Variants in DMXL2 observed in about 807,000 individuals in gnomAD.
The protein encoded by DMXL2 is Dmx like 2.
In DMXL2, 103 loss-of-function variants were observed where a neutral mutation model predicts 331.1. The observed-to-expected ratio is 0.31, with a 90% CI of 0.27 to 0.37. DMXL2 has a LOEUF of 0.37. DMXL2 is among the 10% of genes least tolerant of loss of function. The pLI is 1.00. For synonymous variants in DMXL2, 1,281 were observed against 1,252.1 expected (o/e 1.02, Z -0.49); for missense variants, 3,171 against 3,642.9 (o/e 0.87, Z 3.33).
chr15:51,456,944 G>A (rs2039675251), intron 37 of DMXL2, among the ~76,000 whole-genome samples: 1 of 152,148 alleles, frequency 6.6e-6, no homozygotes, highest in Non-Finnish European at 1.5e-5. Flanking sequence ...GGCTGAAGCG[G>A]GTAGATCACT....
chr15:51,513,621 T>C (rs1330032771), intron 15 of DMXL2, among the ~76,000 whole-genome samples: 4 of 152,158 alleles, frequency 2.6e-5, no homozygotes, highest in Non-Finnish European at 4.4e-5. Flanking sequence ...ATGCTATACA[T>C]AATTTCGTGA....
intron 21 of DMXL2, among the ~76,000 whole-genome samples, 178 bp downstream of exon 21, chr15:51,488,370 A>G (rs1462984116): frequency 3.3e-5 from 5 of 152,166 alleles, no homozygotes; most frequent in Admixed American, 6.5e-5. Flanking sequence ...AAAACATCCC[A>G]TCCTCTAGAT....
chr15:51,538,733 A>C (rs897197824), intron 9 of DMXL2, among the ~76,000 whole-genome samples: 5 of 152,220 alleles, frequency 3.3e-5, no homozygotes, highest in Non-Finnish European at 7.3e-5. Context: ...ATTAAAGCAG[A>C]AAAGCAGCTA....
chr15:51,506,689 G>A (rs572915606), intron 16 of DMXL2, among the ~76,000 whole-genome samples: 140 of 152,070 alleles, frequency 9.2e-4, no homozygotes, highest in African/African-American at 3.3e-3. Flanking sequence ...TCCTGACCTC[G>A]TGATCCGCCC....
rs567935838 is a variant in DMXL2, at chr15:51,605,793, T to G, written c.87+16666A>C. 1.1e-3 allele frequency among the ~76,000 whole-genome samples: 47 copies of G among 43,068 alleles called. 11 individuals carry two copies. Among genetic ancestry groups the G allele is most frequent in the African/African-American group, 3.1e-3 (47 of 15,200 alleles). 28.3% of individuals were successfully genotyped at this position (43,068 alleles called of 152,430 possible). A position where few individuals can be genotyped will look rare whatever the true frequency, so the allele number is the denominator to read the frequency against. The stretch of plus-strand genomic sequence containing the variant: ...CTCCTGACCTCATGATCCACCCGCC[T>G]CGGCCTCCCAAAGTGCTGGGATTAC... On this transcript the variant is annotated intron_variant, in intron 1 of 43. Coordinates refer to ENST00000560891, the MANE Select transcript of DMXL2 (RefSeq NM_001378457.1).
At chr15:51,473,586 G>A (rs1288166299) in intron 28 of DMXL2, among the ~76,000 whole-genome samples, 1 of 152,174 alleles carries the variant, frequency 6.6e-6, no homozygotes, top group Non-Finnish European at 1.5e-5. Context: ...AATGAAGACA[G>A]AGGTTAGTGT....
intron 36 of DMXL2, chr15:51,458,178 C>A: frequency 5.3e-6 from 1 of 189,884 alleles, no homozygotes; most frequent in South Asian, 1.2e-4. Flanking sequence ...TGCAAAATTA[C>A]TCGGTAAATG....
chr15:51,499,968 A>T lies in DMXL2; in HGVS notation c.3256T>A (p.Tyr1086Asn). The change falls in exon 18 of 44, where the codon TAT becomes AAT. Residue 1086 changes from tyrosine (Y) to asparagine (N), a missense_variant. Tyr to Asn is a moderately radical substitution (Grantham distance 143). Around this residue, in one of 7 missense-constraint regions of DMXL2, gnomAD observed 1,674 missense variants for 1,780.2 expected, o/e 0.94. Transcript: ENST00000560891. ...CCATTATGGTGGATAGGCTGCTTAT[A>T]AGCCACTGCAAGGCGACCTGTGTAT... ...CSYTGRLAVA[Y>N]KQPIHHNGFV... is the part of the protein sequence containing the mutation. 6.2e-7 allele frequency: 1 copy of T among 1,614,030 alleles called. No homozygotes were observed. The highest frequency in any genetic ancestry group is 1.1e-5 in the South Asian group (1 of 91,072).
rs373151991 is a variant in DMXL2 at position 51,486,066 on chromosome 15, G to C, written c.5482+7C>G. The C allele has an allele frequency of 1.3e-6, 2 of 1,569,758 alleles. No homozygotes were observed. Among genetic ancestry groups the C allele is most frequent in the Non-Finnish European group, 1.7e-6 (2 of 1,153,132 alleles). On this transcript the variant is annotated splice_region_variant and intron_variant, in intron 23 of 43. Coordinates refer to ENST00000560891, the MANE Select transcript of DMXL2 (RefSeq NM_001378457.1). Reference sequence around the variant, plus strand: ...AAGAAAAAAAAGAAATCCACAAAACGTCCTACCTTGATGTTCATCATCCTC... The same window carrying C: ...AAGAAAAAAAAGAAATCCACAAAACCTCCTACCTTGATGTTCATCATCCTC...
At chr15:51,547,435 A>C in intron 6 of DMXL2, 27 bp from the exon 7 acceptor site, 1 of 1,512,328 alleles carries the variant, frequency 6.6e-7, no homozygotes, top group Non-Finnish European at 8.9e-7. Flanking sequence ...TCAATATAAA[A>C]TTAATTTGTA....
intron 6 of DMXL2, among the ~76,000 whole-genome samples, chr15:51,558,544 A>G (rs973048078): frequency 2.0e-5 from 3 of 152,198 alleles, no homozygotes; most frequent in Non-Finnish European, 4.4e-5. Context: ...TATTTTTTAC[A>G]CTCATTTCTA....
chr15:51,493,977 A>G (rs1433873732), intron 19 of DMXL2, among the ~76,000 whole-genome samples: 1 of 150,998 alleles, frequency 6.6e-6, no homozygotes, highest in African/African-American at 2.5e-5. Flanking sequence ...AACTTCTGGG[A>G]ATGTAAATGA....
chr15:51,459,522 T>C (rs767670947), intron 34 of DMXL2, 76 bp downstream of exon 34: 94 of 1,212,652 alleles, frequency 7.8e-5, no homozygotes, highest in Non-Finnish European at 9.5e-5. Context: ...GGGCAGGTCA[T>C]GGTTAGTATC....
At chr15:51,614,619 TA>T (rs201628025) in intron 1 of DMXL2, among the ~76,000 whole-genome samples, 3 of 152,154 alleles carry the variant, frequency 2.0e-5, no homozygotes. Context: ...AGAAGTATTA[TA>T]AAAAAATAGC....
intron 1 of DMXL2, among the ~76,000 whole-genome samples, chr15:51,593,305 A>G (rs2052538578): frequency 6.6e-6 from 1 of 152,214 alleles, no homozygotes; most frequent in Non-Finnish European, 1.5e-5. Flanking sequence ...ACAAAGATCA[A>G]AAGAGACAAA....
chr15:51,608,762 G>GA (rs74838309), intron 1 of DMXL2, among the ~76,000 whole-genome samples: 48 of 150,490 alleles, frequency 3.2e-4, no homozygotes, highest in African/African-American at 9.6e-4. Flanking sequence ...AAAAAAGAAT[G>GA]AAAAAAAAAG....
chr15:51,480,145 G>T lies in DMXL2; in HGVS notation c.6565-6C>A. ...AGCTGCTTTACTGTAGTTTCCTGTG[G>T]GTGATAGTGAATTATTTTTTTCAAA... On this transcript the variant is annotated splice_polypyrimidine_tract_variant and splice_region_variant and intron_variant, in intron 24 of 43. Coordinates refer to ENST00000560891, the MANE Select transcript of DMXL2 (RefSeq NM_001378457.1). 6.7e-7 allele frequency: 1 copy of T among 1,503,192 alleles called. No individual in the cohort carries two copies. The highest frequency in any genetic ancestry group is 1.3e-5 in the South Asian group (1 of 75,240). 93.1% of individuals were successfully genotyped at this position (1,503,192 alleles called of 1,614,324 possible). A position where few individuals can be genotyped will look rare whatever the true frequency, so the allele number is the denominator to read the frequency against.
intron 14 of DMXL2, among the ~76,000 whole-genome samples, chr15:51,516,198 A>G (rs1230148444): frequency 6.6e-6 from 1 of 152,214 alleles, no homozygotes; most frequent in African/African-American, 2.4e-5. Context: ...CACATTTGGA[A>G]TAAATGTTAG....
intron 13 of DMXL2, among the ~76,000 whole-genome samples, chr15:51,525,609 C>G (rs997813520): frequency 2.0e-5 from 3 of 152,078 alleles, no homozygotes; most frequent in Non-Finnish European, 4.4e-5. Flanking sequence ...TTACAACAAG[C>G]TAACCAAAGA....
Sources: allele counts gnomAD v4.1 joint callset (sites outside exome capture counted in the v4.1 genomes callset), GRCh38; gene constraint gnomAD v4.1.1; regional missense constraint gnomAD v4.1.1; transcripts MANE v1.5; gene names NCBI Gene and HGNC (gene_info 2026-07-23, HGNC 2026-07-21).